The following RBFOX1 variants were observed in gnomAD, a reference collection of about 807,000 sequenced individuals.
The protein encoded by RBFOX1 is RNA binding protein fox-1 homolog 1.
RBFOX1 carries 8 observed loss-of-function variants against 57.7 expected under a neutral mutation model. That is an observed-to-expected ratio of 0.14 (90% confidence interval 0.08 to 0.25). The LOEUF (loss-of-function observed/expected upper bound fraction) is 0.25, where lower values mean the gene tolerates loss of function less well. RBFOX1 is among the 10% of genes least tolerant of loss of function. RBFOX1 has a pLI of 1.00. For synonymous variants in RBFOX1, 326 were observed against 222.4 expected (o/e 1.47, Z -4.15); for missense variants, 611 against 548.5 (o/e 1.11, Z -1.14).
intron 3 of RBFOX1, among the ~76,000 whole-genome samples, chr16:7,050,949 T>G (rs2049862563): frequency 6.6e-6 from 1 of 152,190 alleles, no homozygotes; most frequent in East Asian, 1.9e-4. Context: ...TGGTGCATCC[T>G]TAAGTAAATA....
At chr16:6,574,373 G>A (rs1212227479) in intron 2 of RBFOX1, among the ~76,000 whole-genome samples, 1 of 150,922 alleles carries the variant, frequency 6.6e-6, no homozygotes, top group African/African-American at 2.4e-5. Flanking sequence ...TGGGAATGCT[G>A]TGAGGAGGGG....
intron 5 of RBFOX1, among the ~76,000 whole-genome samples, chr16:7,523,480 G>A (rs2077968251): frequency 6.6e-6 from 1 of 152,172 alleles, no homozygotes; most frequent in Non-Finnish European, 1.5e-5. Context: ...TCAGAAATCT[G>A]CCTTAGATAA....
At chr16:6,258,885 A>G (rs1272009409) in intron 1 of RBFOX1, among the ~76,000 whole-genome samples, 8 of 152,194 alleles carry the variant, frequency 5.3e-5, no homozygotes. Context: ...AAAGATATAC[A>G]GCTATCTATC....
intron 4 of RBFOX1, chr16:7,328,891 C>T (rs2096647865): frequency 6.6e-6 from 1 of 152,158 alleles, no homozygotes; most frequent in Non-Finnish European, 1.5e-5. Flanking sequence ...GCTGTGAGCC[C>T]AACCTGGACC....
chr16:5,618,058 G>T (rs1008638216), intron 3 of RBFOX1, among the ~76,000 whole-genome samples: 2 of 152,168 alleles, frequency 1.3e-5, no homozygotes, highest in African/African-American at 4.8e-5. Flanking sequence ...ACAACATTAT[G>T]AATTTTTACA....
intron 2 of RBFOX1, among the ~76,000 whole-genome samples, chr16:6,646,024 AAGT>A (rs1403573821): frequency 6.6e-6 from 1 of 152,022 alleles, no homozygotes; most frequent in Admixed American, 6.5e-5. Flanking sequence ...CGGCTACAAA[AAGT>A]AGAAGGGCTG....
At chr16:5,278,041 A>G (rs1295834010) in intron 1 of RBFOX1, among the ~76,000 whole-genome samples, 1 of 152,176 alleles carries the variant, frequency 6.6e-6, no homozygotes, top group African/African-American at 2.4e-5. Flanking sequence ...TTGCTGGATC[A>G]TATGGTAGAT....
intron 4 of RBFOX1, among the ~76,000 whole-genome samples, chr16:7,415,186 T>C (rs1217539641): frequency 6.6e-6 from 1 of 152,242 alleles, no homozygotes; most frequent in Non-Finnish European, 1.5e-5. Context: ...CTTACAATCC[T>C]GGCTGTGCCT....
At chr16:7,424,563 C>T (rs547542266) in intron 4 of RBFOX1, among the ~76,000 whole-genome samples, 7 of 152,256 alleles carry the variant, frequency 4.6e-5, no homozygotes, top group Admixed American at 1.3e-4. Flanking sequence ...CCTGGCCATA[C>T]GCTTGAATAT....
intron 3 of RBFOX1, among the ~76,000 whole-genome samples, chr16:6,865,561 A>G (rs1310240903): frequency 2.0e-5 from 3 of 152,142 alleles, no homozygotes; most frequent in African/African-American, 7.2e-5. Context: ...GTAGAAATAC[A>G]ATTTGTATTA....
chr16:6,864,449 C>A (rs1474011021), intron 3 of RBFOX1, among the ~76,000 whole-genome samples: 2 of 152,008 alleles, frequency 1.3e-5, no homozygotes, highest in African/African-American at 4.8e-5. Flanking sequence ...GAAATGACAT[C>A]ATCATGCCCG....
chr16:5,387,739 A>T (rs1297449364), intron 1 of RBFOX1, among the ~76,000 whole-genome samples: 1 of 152,194 alleles, frequency 6.6e-6, no homozygotes, highest in Non-Finnish European at 1.5e-5. Context: ...AATCTCTGCA[A>T]CCTGTGGATA....
chr16:7,642,432 C>T (rs1440041230), intron 11 of RBFOX1, among the ~76,000 whole-genome samples: 3 of 152,126 alleles, frequency 2.0e-5, no homozygotes, highest in Non-Finnish European at 4.4e-5. Context: ...ATGTGCGTCG[C>T]GTACCCATCT....
chr16:6,954,277 A>T (rs927506640), intron 3 of RBFOX1, among the ~76,000 whole-genome samples: 3 of 152,152 alleles, frequency 2.0e-5, no homozygotes, highest in Non-Finnish European at 4.4e-5. Context: ...GATTCTGGTC[A>T]TCTCGCCAAT....
At chr16:6,799,609 C>G (rs190280900) in intron 3 of RBFOX1, among the ~76,000 whole-genome samples, 6 of 152,106 alleles carry the variant, frequency 3.9e-5, no homozygotes, top group Admixed American at 6.5e-5. Context: ...GACCCACCCT[C>G]AATCTGTGTT....
At chr16:7,692,138 CA>C (rs1208296182) in intron 14 of RBFOX1, among the ~76,000 whole-genome samples, 2 of 152,108 alleles carry the variant, frequency 1.3e-5, no homozygotes, top group Non-Finnish European at 2.9e-5. Context: ...TCAAAAAGCC[CA>C]AAATCTTATG....
rs369981248 is a variant in RBFOX1 at position 6,567,130 on chromosome 16, C to T, written c.-63-87473C>T. Among the ~76,000 whole-genome samples, 22 of 152,292 alleles carry T rather than the reference C, an allele frequency of 1.4e-4. No individual in the cohort carries two copies. In the East Asian group the frequency reaches 2.7e-3, roughly 19 times the overall value. On this transcript the variant is annotated intron_variant, in intron 2 of 15. Transcript: ENST00000550418. Reference sequence around the variant, plus strand: ...GCAGGCTGTCCAGATTTCTCTGCATCGCCTTTGGTTTGGGGATAATGTTGA... The same window carrying T: ...GCAGGCTGTCCAGATTTCTCTGCATTGCCTTTGGTTTGGGGATAATGTTGA...
intron 4 of RBFOX1, among the ~76,000 whole-genome samples, chr16:7,453,912 T>A (rs9935428): frequency 0.4 from 60,169 of 151,714 alleles, 12,208 homozygotes; most frequent in Non-Finnish European, 0.45. Flanking sequence ...GTGGAGGAAG[T>A]GTTGGTCTTC....
intron 1 of RBFOX1, among the ~76,000 whole-genome samples, chr16:6,182,549 A>G (rs1032486922): frequency 6.6e-6 from 1 of 152,226 alleles, no homozygotes; most frequent in African/African-American, 2.4e-5. Flanking sequence ...TTATTGCCAC[A>G]TAACTTTGTA....
Sources: allele counts gnomAD v4.1 joint callset (sites outside exome capture counted in the v4.1 genomes callset), GRCh38; gene constraint gnomAD v4.1.1; transcripts MANE v1.5; gene names NCBI Gene and HGNC (gene_info 2026-07-23, HGNC 2026-07-21).